The following PRKCA variants were observed in gnomAD, a reference collection of about 807,000 sequenced individuals.
The protein encoded by PRKCA is protein kinase C alpha, also known as protein kinase C alpha type.
In PRKCA, 27 loss-of-function variants were observed where a neutral mutation model predicts 87.0. The observed-to-expected ratio is 0.31, with a 90% CI of 0.23 to 0.43. The LOEUF (loss-of-function observed/expected upper bound fraction) is 0.43, where lower values mean the gene tolerates loss of function less well. Among genes scored for constraint, PRKCA ranks in the 20% least tolerant of loss-of-function variants. The pLI is 1.00. For missense variants in PRKCA, 518 were observed against 852.3 expected (o/e 0.61, Z 4.88); for synonymous variants, 329 against 311.1 (o/e 1.06, Z -0.61).
chr17:66,467,324 G>A lies in PRKCA; in HGVS notation c.206-28877G>A, dbSNP rs374117390. 4.6e-5 allele frequency among the ~76,000 whole-genome samples: 7 copies of A among 152,262 alleles called. No homozygotes were observed. In the East Asian group the frequency reaches 5.8e-4, roughly 13 times the overall value. On this transcript the variant is annotated intron_variant, in intron 2 of 16. Transcript: ENST00000413366. ...ATTTCATGCTATGTAGCCAGATGTC[G>A]TGTAGCTAACCTCAGCAGTTACTAT...
chr17:66,784,132 G>A (rs760383670), intron 14 of PRKCA, among the ~76,000 whole-genome samples: 1 of 152,230 alleles, frequency 6.6e-6, no homozygotes, highest in Non-Finnish European at 1.5e-5. Context: ...CCTGGAAGCA[G>A]AGCCTCTGCC....
At chr17:66,464,683 T>A (rs3887191) in intron 2 of PRKCA, among the ~76,000 whole-genome samples, 64,706 of 151,812 alleles carry the variant, frequency 0.43, 14,084 homozygotes, top group African/African-American at 0.5. Context: ...GTGAGATATC[T>A]GGTCTTGTGC....
At chr17:66,491,829 A>G (rs1422971415) in intron 2 of PRKCA, among the ~76,000 whole-genome samples, 1 of 152,260 alleles carries the variant, frequency 6.6e-6, no homozygotes, top group Non-Finnish European at 1.5e-5. Flanking sequence ...CCCAAAGATC[A>G]AGGCCAGCCA....
At chr17:66,653,243 G>A (rs1384566718) in intron 5 of PRKCA, among the ~76,000 whole-genome samples, 1 of 152,240 alleles carries the variant, frequency 6.6e-6, no homozygotes, top group African/African-American at 2.4e-5. Context: ...AGCTCAGGCA[G>A]AAAAGAAAAT....
At chr17:66,368,386 A>ATATT (rs1567793184) in intron 2 of PRKCA, among the ~76,000 whole-genome samples, 27 of 25,452 alleles carry the variant, frequency 1.1e-3, no homozygotes, top group East Asian at 7.4e-3. Context: ...ATATATATAT[A>ATATT]TTTTTTTTTT....
chr17:66,696,595 T>C (rs970317667), intron 8 of PRKCA: 1 of 152,230 alleles, frequency 6.6e-6, no homozygotes, highest in Non-Finnish European at 1.5e-5. Flanking sequence ...TTTATATTTA[T>C]GAAAAGTTAT....
At chr17:66,683,678 C>T (rs1437900144) in intron 5 of PRKCA, among the ~76,000 whole-genome samples, 1 of 152,188 alleles carries the variant, frequency 6.6e-6, no homozygotes, top group Non-Finnish European at 1.5e-5. Context: ...CAGCTCACTG[C>T]AGCCTCCGCC....
intron 3 of PRKCA, among the ~76,000 whole-genome samples, chr17:66,588,392 T>C (rs1337068814): frequency 6.6e-6 from 1 of 152,132 alleles, no homozygotes; most frequent in African/African-American, 2.4e-5. Context: ...TTTTTGTTGA[T>C]ATAAGTTGCA....
At chr17:66,719,710 C>T (rs1973565493) in intron 8 of PRKCA, among the ~76,000 whole-genome samples, 1 of 152,198 alleles carries the variant, frequency 6.6e-6, no homozygotes. Flanking sequence ...GAGGTTGCAG[C>T]AAGCCAAGAT....
intron 2 of PRKCA, among the ~76,000 whole-genome samples, chr17:66,366,958 G>T (rs1331680204): frequency 6.6e-6 from 1 of 152,154 alleles, no homozygotes; most frequent in Non-Finnish European, 1.5e-5. Flanking sequence ...TTTACTCCAC[G>T]TTGGTCTCCA....
intron 3 of PRKCA, among the ~76,000 whole-genome samples, chr17:66,530,777 G>A (rs1431417394): frequency 6.6e-6 from 1 of 152,102 alleles, no homozygotes; most frequent in East Asian, 1.9e-4. Context: ...CAGTGCCCCT[G>A]CCATCAAGCT....
chr17:66,719,212 T>G lies in PRKCA; in HGVS notation c.919-13476T>G, dbSNP rs1973552872. On this transcript the variant is annotated intron_variant, in intron 8 of 16. Coordinates refer to ENST00000413366, the MANE Select transcript of PRKCA (RefSeq NM_002737.3). ...AACCTAGGTGTCTAACAATAAGGAA[T>G]GGTTACATCAGCTACAGTAGAGCCG... 3.3e-5 allele frequency among the ~76,000 whole-genome samples: 5 copies of G among 152,142 alleles called. No homozygotes were observed. The South Asian group carries it at 1.0e-3, about 32-fold the overall frequency.
In PRKCA at chr17:66,321,578, C is replaced by T. The variant is rs191069689; in HGVS notation, c.205+15451C>T. The stretch of plus-strand genomic sequence containing the variant: ...AAAATTTTTTTTAGACAGCCTTGCT[C>T]TGTCGTCTATGCTGGAGTGCAATGG... On this transcript the variant is annotated intron_variant, in intron 2 of 16. Transcript: ENST00000413366. Among the ~76,000 whole-genome samples, 4 of 152,262 alleles carry T rather than the reference C, an allele frequency of 2.6e-5. No individual in the cohort carries two copies. In the East Asian group the frequency reaches 7.7e-4, roughly 29 times the overall value.
chr17:66,320,072 C>T lies in PRKCA; in HGVS notation c.205+13945C>T, dbSNP rs150921426. ...TAATTCATATACATTTAAATACTGA[C>T]CTTTGTTGACCTTCTTGGTGAATCC... On this transcript the variant is annotated intron_variant, in intron 2 of 16. Transcript: ENST00000413366. 4.1e-3 allele frequency among the ~76,000 whole-genome samples: 626 copies of T among 152,190 alleles called. 5 individuals carry two copies. The highest frequency in any genetic ancestry group is 0.014 in the African/African-American group (572 of 41,510).
chr17:66,687,625 G>A (rs367755585), intron 6 of PRKCA, among the ~76,000 whole-genome samples: 1 of 152,176 alleles, frequency 6.6e-6, no homozygotes, highest in Non-Finnish European at 1.5e-5. Flanking sequence ...CATAAGGCAA[G>A]AATTTAAATA....
At chr17:66,344,446 A>G (rs1907236031) in intron 2 of PRKCA, among the ~76,000 whole-genome samples, 1 of 152,218 alleles carries the variant, frequency 6.6e-6, no homozygotes, top group African/African-American at 2.4e-5. Context: ...GCTTGAGCTC[A>G]GGAGCTTGAG....
intron 3 of PRKCA, among the ~76,000 whole-genome samples, chr17:66,608,465 C>T (rs180994412): frequency 3.2e-4 from 49 of 152,086 alleles, no homozygotes; most frequent in South Asian, 6.2e-4. Context: ...AGTGGCCTAA[C>T]GCACTATAAA....
chr17:66,645,896 G>A (rs61762405), intron 5 of PRKCA, among the ~76,000 whole-genome samples: 1,855 of 152,302 alleles, frequency 0.012, 45 homozygotes, highest in African/African-American at 0.042. Flanking sequence ...GGATGACCCA[G>A]GTGTTTTGTG....
intron 3 of PRKCA, among the ~76,000 whole-genome samples, chr17:66,622,521 G>A (rs1970715454): frequency 6.6e-6 from 1 of 152,204 alleles, no homozygotes; most frequent in Non-Finnish European, 1.5e-5. Flanking sequence ...CTTTTCTTAG[G>A]ACCATGGTTT....
Sources: gnomAD v4.1 joint callset for allele counts (sites outside exome capture counted in the v4.1 genomes callset) on GRCh38, gnomAD v4.1.1 for gene constraint, MANE v1.5 for transcripts, NCBI Gene and HGNC (gene_info 2026-07-23, HGNC 2026-07-21) for gene names.